VGLL4: variants seen among roughly 807,000 people sequenced by gnomAD.
VGLL4 encodes transcription cofactor vestigial-like protein 4.
In VGLL4, 7 loss-of-function variants were observed where a neutral mutation model predicts 21.0. The ratio of observed to expected loss-of-function variants is 0.33; its 90% confidence interval spans 0.19 to 0.63. The LOEUF (loss-of-function observed/expected upper bound fraction) is 0.63. Among genes scored for constraint, VGLL4 ranks in the 20% least tolerant of loss-of-function variants. VGLL4 has a pLI of 0.78. For synonymous variants in VGLL4, 222 were observed against 173.2 expected, an observed-to-expected ratio of 1.28 and a Z score of -2.21; for missense variants, 394 against 425.7, an observed-to-expected ratio of 0.93 and a Z score of 0.66.
At chr3:11,583,859 C>A (rs2074299628) in intron 2 of VGLL4, among the ~76,000 whole-genome samples, 1 of 152,228 alleles carries the variant, frequency 6.6e-6, no homozygotes, top group African/African-American at 2.4e-5. Context: ...CCCCAACGCA[C>A]CCAACCCAGG....
At position 11,604,936 on chromosome 3, in the gene VGLL4, G is replaced by C. The variant is rs994333170; in HGVS notation, c.83-2914C>G. Among the ~76,000 whole-genome samples, 9 of 143,930 alleles carry C rather than the reference G, an allele frequency of 6.3e-5. 1 individual carries two copies. Among genetic ancestry groups the C allele is most frequent in the Non-Finnish European group, 1.4e-4 (9 of 65,672 alleles). 94.4% of individuals were successfully genotyped at this position (143,930 alleles called of 152,430 possible). On this transcript the variant is annotated intron_variant, in intron 1 of 4. Coordinates refer to ENST00000430365, the MANE Select transcript of VGLL4 (RefSeq NM_001128219.3). ...GGGGTCAAATAAATTTGGAAACCGT[G>C]AGATTGAACAACTTTTACAGGAGTT...
chr3:11,580,522 T>C (rs1040150753), intron 2 of VGLL4, among the ~76,000 whole-genome samples: 3 of 152,246 alleles, frequency 2.0e-5, no homozygotes, highest in African/African-American at 7.2e-5. Flanking sequence ...TAAGCAGAAT[T>C]GCTGCATCAT....
chr3:11,634,538 T>C (rs952487622), intron 1 of VGLL4, among the ~76,000 whole-genome samples: 5 of 152,148 alleles, frequency 3.3e-5, no homozygotes, highest in African/African-American at 1.2e-4. Flanking sequence ...GTGACAAAAG[T>C]TTGTTTTTAG....
Position 11,667,842 on chromosome 3 carries a change from C to CTTTTTTT in VGLL4, c.64+35122_64+35128dup, listed in dbSNP as rs746416276. ...GAGGGTCTCAAATTTCTATCTTCTTCTTTTTTTTTTTTTTTTTTTTTTTTT... is the reference window on the plus strand; with the variant it reads ...GAGGGTCTCAAATTTCTATCTTCTTCTTTTTTTTTTTTTTTTTTTTTTTTTTTTTTTT... On this transcript the variant is annotated intron_variant, in intron 2 of 5. Coordinates refer to the VGLL4 transcript ENST00000273038. 1.1e-3 allele frequency among the ~76,000 whole-genome samples: 79 copies of CTTTTTTT among 69,332 alleles called. 1 individual carries two copies. The highest frequency in any genetic ancestry group is 1.6e-3 in the African/African-American group (27 of 16,664). 45.5% of individuals were successfully genotyped at this position (69,332 alleles called of 152,430 possible).
chr3:11,646,333 T>TGAGA (rs1166545670), upstream of VGLL4, among the ~76,000 whole-genome samples: 1 of 152,216 alleles, frequency 6.6e-6, no homozygotes, highest in Non-Finnish European at 1.5e-5. Context: ...CTTACTGTGC[T>TGAGA]ACGTTTTTAC....
intron 2 of VGLL4, among the ~76,000 whole-genome samples, chr3:11,670,962 A>G (rs2076204179): frequency 1.3e-5 from 2 of 152,182 alleles, no homozygotes; most frequent in Admixed American, 1.3e-4. Context: ...GCTTGAACCC[A>G]GGAGGCAGAG....
At position 11,568,567 on chromosome 3, in the gene VGLL4, C is replaced by A; in HGVS notation, c.273-3548G>T. The A allele has an allele frequency of 6.4e-7, 1 of 1,554,372 alleles. No homozygotes were observed. Among genetic ancestry groups the A allele is most frequent in the Non-Finnish European group, 8.7e-7 (1 of 1,148,006 alleles). The stretch of plus-strand genomic sequence containing the variant: ...AAACAGCGAGAAAAGGCCTGGAGAA[C>A]TGGCTGGTTAATTTTAGTAAAATTA... On this transcript the variant is annotated intron_variant, in intron 2 of 4. Coordinates refer to ENST00000430365, the MANE Select transcript of VGLL4 (RefSeq NM_001128219.3). The surrounding 1 kb of genome is among the most constrained non-coding windows in gnomAD (Gnocchi z 5.9).
At chr3:11,721,750 T>A (rs1202871708), upstream of VGLL4, 2 of 152,218 alleles carry the variant, frequency 1.3e-5, no homozygotes, top group African/African-American at 4.8e-5. Context: ...AGAATTTGAA[T>A]CCAAACTCCG....
intron 1 of VGLL4, chr3:11,604,352 G>A: frequency 1.1e-6 from 1 of 941,646 alleles, no homozygotes; most frequent in Non-Finnish European, 1.2e-6. Context: ...CAGGTTAGCT[G>A]GAGGCAAGAA....
intron 2 of VGLL4, among the ~76,000 whole-genome samples, chr3:11,598,333 G>C (rs1271813089): frequency 1.3e-5 from 2 of 152,084 alleles, no homozygotes; most frequent in South Asian, 4.1e-4. Flanking sequence ...GGCCTCTGCT[G>C]CTTCTTACTC....
In VGLL4 at chr3:11,618,812, AAGG is replaced by A. The variant is rs573235343; in HGVS notation, c.83-16793_83-16791del. 1.4e-3 allele frequency among the ~76,000 whole-genome samples: 209 copies of A among 152,352 alleles called. 1 individual carries two copies. The highest frequency in any genetic ancestry group is 4.6e-3 in the African/African-American group (190 of 41,590). ...AGTTTTCTACTGGAGTGTGAAGGTGAAGGAGGTTTCCCCAAATTAATCAACCTA... is the reference window on the plus strand; with the variant it reads ...AGTTTTCTACTGGAGTGTGAAGGTGAAGGTTTCCCCAAATTAATCAACCTA... On this transcript the variant is annotated intron_variant, in intron 1 of 4. Transcript: ENST00000430365.
chr3:11,558,322 C>T lies in VGLL4; in HGVS notation c.*234G>A, dbSNP rs553540722. ...ACTGAGGCAGGAAGTAAGGATGCTA[C>T]ATTAGACAGATGTTCCACGCGTAGT... On this transcript the variant is annotated 3_prime_UTR_variant, in exon 5 of 5. Coordinates refer to ENST00000430365, the MANE Select transcript of VGLL4 (RefSeq NM_001128219.3). 2.8e-4 allele frequency: 188 copies of T among 673,222 alleles called. No homozygotes were observed. In the African/African-American group the frequency reaches 3.1e-3, roughly 11 times the overall value. 41.7% of individuals were successfully genotyped at this position (673,222 alleles called of 1,614,324 possible). A position where few individuals can be genotyped will look rare whatever the true frequency, so the allele number is the denominator to read the frequency against.
intron 1 of VGLL4, among the ~76,000 whole-genome samples, chr3:11,615,059 G>C (rs1001678815): frequency 2.0e-5 from 3 of 152,152 alleles, no homozygotes; most frequent in Non-Finnish European, 4.4e-5. Flanking sequence ...ATTAATAAGT[G>C]GGAGACATCT....
At chr3:11,671,491 C>G in intron 2 of VGLL4, 2 of 657,038 alleles carry the variant, frequency 3.0e-6, no homozygotes, top group Admixed American at 4.4e-5. Context: ...GTACAAAAAT[C>G]CATGCATACT....
At position 11,653,645 on chromosome 3, in the gene VGLL4, C is replaced by T. The variant is rs375239570; in HGVS notation, c.64+49326G>A. 1.8e-4 allele frequency among the ~76,000 whole-genome samples: 28 copies of T among 152,280 alleles called. No individual in the cohort carries two copies. The South Asian group carries it at 5.8e-3, about 32-fold the overall frequency. On this transcript the variant is annotated intron_variant, in intron 2 of 5. Transcript: ENST00000273038. This position sits in a 1 kb window ranked among gnomAD's most constrained non-coding sequence, Gnocchi z 4.2. ...GGAATGCATTTCTGTCGCACATGTA[C>T]TCAGAAGCAGATACGCAGAAAGTGT...
At position 11,578,374 on chromosome 3, in the gene VGLL4, C is replaced by T. The variant is rs374488367; in HGVS notation, c.273-13355G>A. Among the ~76,000 whole-genome samples, 8 of 152,252 alleles carry T rather than the reference C, an allele frequency of 5.3e-5. No homozygotes were observed. In the South Asian group the frequency reaches 1.0e-3, roughly 20 times the overall value. On this transcript the variant is annotated intron_variant, in intron 2 of 4. Transcript: ENST00000430365. ...TCACGTGGTGTGTGGCAGTCTCCTC[C>T]TCCCCACACACCGGAGCATGGTCAC...
chr3:11,559,808 T>A (rs139882592), intron 3 of VGLL4, among the ~76,000 whole-genome samples: 1 of 152,264 alleles, frequency 6.6e-6, no homozygotes, highest in African/African-American at 2.4e-5. Context: ...GATTCTCCCG[T>A]TAACGTCCCC....
At chr3:11,703,554 T>G (rs1465908702) in intron 1 of VGLL4, among the ~76,000 whole-genome samples, 1 of 152,244 alleles carries the variant, frequency 6.6e-6, no homozygotes, top group African/African-American at 2.4e-5. Context: ...ATGTTTTGTA[T>G]AATGGTATAT....
chr3:11,609,241 T>G (rs1214005170), intron 1 of VGLL4, among the ~76,000 whole-genome samples: 2 of 152,218 alleles, frequency 1.3e-5, no homozygotes, highest in African/African-American at 4.8e-5. Context: ...TTGGCTCTAA[T>G]GGACTACATC....
Sources: allele counts gnomAD v4.1 joint callset (sites outside exome capture counted in the v4.1 genomes callset), GRCh38; gene constraint gnomAD v4.1.1; non-coding constraint Gnocchi (gnomAD v3.1); transcripts MANE v1.5; gene names NCBI Gene and HGNC (gene_info 2026-07-23, HGNC 2026-07-21).